CPNE4: variants seen among roughly 807,000 people sequenced by gnomAD.
CPNE4 encodes the protein copine 4.
A neutral mutation model predicts 67.9 loss-of-function variants in CPNE4; 25 were observed. The ratio of observed to expected loss-of-function variants is 0.37; its 90% CI spans 0.27 to 0.51. The LOEUF is 0.51. CPNE4 is among the 20% of genes least tolerant of loss of function. The pLI, the probability that CPNE4 is intolerant of heterozygous loss-of-function variation, is 0.93. For synonymous variants in CPNE4, 242 were observed against 244.9 expected (o/e 0.99, Z 0.11); for missense variants, 464 against 690.8 (o/e 0.67, Z 3.68).
chr3:131,923,221 T>C (rs2070789081), intron 1 of CPNE4, among the ~76,000 whole-genome samples: 1 of 152,222 alleles, frequency 6.6e-6, no homozygotes, highest in Non-Finnish European at 1.5e-5. Context: ...AGTCCTCTTT[T>C]GTGCTGATAG....
chr3:131,794,475 C>T (rs1017487043), intron 2 of CPNE4, among the ~76,000 whole-genome samples: 1 of 151,884 alleles, frequency 6.6e-6, no homozygotes. Flanking sequence ...GATCTCTTGA[C>T]CTTGTGATCC....
At chr3:131,720,756 C>T (rs1016941025) in intron 3 of CPNE4, among the ~76,000 whole-genome samples, 1 of 152,148 alleles carries the variant, frequency 6.6e-6, no homozygotes, top group African/African-American at 2.4e-5. Flanking sequence ...GACCACTTTC[C>T]CTTGTAGGCT....
intron 2 of CPNE4, among the ~76,000 whole-genome samples, chr3:131,824,865 G>A (rs561239842): frequency 6.6e-6 from 1 of 152,128 alleles, no homozygotes; most frequent in East Asian, 1.9e-4. Flanking sequence ...AGCAAAATGG[G>A]CTTGATATTC....
At chr3:131,918,718 T>C (rs1277532653) in intron 1 of CPNE4, among the ~76,000 whole-genome samples, 1 of 152,134 alleles carries the variant, frequency 6.6e-6, no homozygotes, top group Non-Finnish European at 1.5e-5. Context: ...CATAAAACAG[T>C]TTTTTTGTAA....
rs539841398 is a variant in CPNE4, at chr3:131,603,895, G to A, written c.682-16313C>T. ...TTAAGATAGGATTCTTCATTTTCCA[G>A]GGGCTAAAGGCTGTCTTACCTGGAG... On this transcript the variant is annotated intron_variant, in intron 7 of 15. Transcript: ENST00000429747. Among the ~76,000 whole-genome samples, 22 of 152,226 alleles carry A rather than the reference G, an allele frequency of 1.4e-4. No homozygotes were observed. The South Asian group carries it at 4.6e-3, about 32-fold the overall frequency.
At chr3:131,952,550 A>G (rs191336070) in intron 1 of CPNE4, among the ~76,000 whole-genome samples, 67,934 of 115,302 alleles carry the variant, frequency 0.59, 17,196 homozygotes, top group Admixed American at 0.7. Flanking sequence ...CCGGCCAGCC[A>G]CCCCATCCGG....
At chr3:131,562,773 GC>G (rs1936842364) in intron 11 of CPNE4, among the ~76,000 whole-genome samples, 1 of 152,018 alleles carries the variant, frequency 6.6e-6, no homozygotes, top group East Asian at 1.9e-4. Context: ...CTCACCCACT[GC>G]CTGCATTGGG....
intron 1 of CPNE4, among the ~76,000 whole-genome samples, chr3:132,006,278 T>C (rs1373472689): frequency 1.3e-5 from 2 of 152,150 alleles, no homozygotes; most frequent in Non-Finnish European, 2.9e-5. Flanking sequence ...CCATGGGCCA[T>C]AGGACATCTG....
intron 1 of CPNE4, among the ~76,000 whole-genome samples, chr3:131,985,679 C>T (rs1051632037): frequency 8.5e-5 from 13 of 152,258 alleles, no homozygotes; most frequent in Admixed American, 5.9e-4. Context: ...TGGATCACTT[C>T]GTAATCAGTG....
chr3:131,659,069 G>C (rs1560066424), intron 7 of CPNE4, among the ~76,000 whole-genome samples: 1 of 152,158 alleles, frequency 6.6e-6, no homozygotes, highest in Admixed American at 6.5e-5. Flanking sequence ...AGATCTTGAG[G>C]CAACTTTTTC....
At chr3:131,709,950 C>T (rs1299990099) in intron 3 of CPNE4, among the ~76,000 whole-genome samples, 3 of 152,190 alleles carry the variant, frequency 2.0e-5, no homozygotes, top group Non-Finnish European at 4.4e-5. Flanking sequence ...TATTTCTTAT[C>T]CCATGTGTGC....
Position 131,669,989 on chromosome 3 carries a change from T to C in CPNE4, c.592-225A>G, listed in dbSNP as rs148708981. Reference sequence around the variant, plus strand: ...GGTCACTGTCCTGGCCGTTGTTTCATGAATAATGCCAATAATATTTTCCAG... The same window carrying C: ...GGTCACTGTCCTGGCCGTTGTTTCACGAATAATGCCAATAATATTTTCCAG... On this transcript the variant is annotated intron_variant, in intron 6 of 15. Transcript: ENST00000429747. Among the ~76,000 whole-genome samples, 296 of 152,304 alleles carry C rather than the reference T, an allele frequency of 1.9e-3. 1 individual carries two copies. The highest frequency in any genetic ancestry group is 6.6e-3 in the African/African-American group (273 of 41,572).
intron 1 of CPNE4, among the ~76,000 whole-genome samples, chr3:132,033,567 C>T (rs963561285): frequency 6.6e-6 from 1 of 152,186 alleles, no homozygotes; most frequent in African/African-American, 2.4e-5. Flanking sequence ...CATAGATTTG[C>T]GCCCCTTGGA....
chr3:131,982,566 G>A (rs759077726), intron 1 of CPNE4, among the ~76,000 whole-genome samples: 10 of 152,094 alleles, frequency 6.6e-5, no homozygotes, highest in African/African-American at 1.7e-4. Flanking sequence ...TAGTGTTTAC[G>A]GTTAATGGAA....
chr3:131,952,742 A>G (rs1238071214), intron 1 of CPNE4, among the ~76,000 whole-genome samples: 3 of 152,002 alleles, frequency 2.0e-5, no homozygotes, highest in Non-Finnish European at 4.4e-5. Context: ...TGGGAGGTGT[A>G]CCCAACAGCT....
At chr3:131,626,560 T>C (rs897356399) in intron 7 of CPNE4, among the ~76,000 whole-genome samples, 2 of 152,176 alleles carry the variant, frequency 1.3e-5, no homozygotes, top group African/African-American at 4.8e-5. Flanking sequence ...TAAGAAAAGT[T>C]TGAAGCTAGC....
chr3:131,666,249 TTAATA>T (rs68140251), intron 7 of CPNE4, among the ~76,000 whole-genome samples: 49,757 of 151,602 alleles, frequency 0.33, 8,455 homozygotes, highest in African/African-American at 0.4. Context: ...ATGTAAACAT[TTAATA>T]TAATTATAAG....
At chr3:131,801,452 G>GTGTGTGTGTGTGTATA (rs761978890) in intron 2 of CPNE4, among the ~76,000 whole-genome samples, 1 of 53,352 alleles carries the variant, frequency 1.9e-5, no homozygotes, top group African/African-American at 7.8e-5. Context: ...GTGTGTGTGT[G>GTGTGTGTGTGTGTATA]TATATATATA....
In CPNE4 at chr3:131,655,386, G is replaced by A. The variant is rs1435993230; in HGVS notation, c.681+14289C>T. 3.9e-5 allele frequency among the ~76,000 whole-genome samples: 6 copies of A among 152,166 alleles called. No homozygotes were observed. The East Asian group carries it at 5.8e-4, about 15-fold the overall frequency. ...CTTGTCTTAAGGTCTGTTGTGGTTC[G>A]TTACATCATATGCCTTCAAGAGTCA... On this transcript the variant is annotated intron_variant, in intron 7 of 15. Transcript: ENST00000429747.
Sources: allele counts gnomAD v4.1 joint callset (sites outside exome capture counted in the v4.1 genomes callset), GRCh38; gene constraint gnomAD v4.1.1; transcripts MANE v1.5; gene names NCBI Gene and HGNC (gene_info 2026-07-23, HGNC 2026-07-21).